The following NBEAL1 variants were observed in gnomAD, a reference collection of about 807,000 sequenced individuals.
NBEAL1 encodes neurobeachin-like protein 1.
NBEAL1 carries 273 observed loss-of-function variants against 351.3 expected under a neutral mutation model. The ratio of observed to expected loss-of-function variants is 0.78; its 90% CI spans 0.70 to 0.86. The LOEUF is 0.86. NBEAL1 is among the 40% of genes least tolerant of loss of function. The pLI is 0.00. For missense variants in NBEAL1, 2,961 were observed against 3,201.3 expected (o/e 0.92, Z 1.81); for synonymous variants, 1,050 against 1,086.4 (o/e 0.97, Z 0.66).
chr2:203,020,472 ACCAGCTTGG>A (rs1184848797), intron 2 of NBEAL1, among the ~76,000 whole-genome samples: 5 of 152,108 alleles, frequency 3.3e-5, no homozygotes, highest in Non-Finnish European at 7.4e-5. Flanking sequence ...GGAGTTTGAA[ACCAGCTTGG>A]CCAGCATGGT....
At chr2:203,130,563 A>T in intron 25 of NBEAL1, 87 bp downstream of exon 25, 1 of 850,594 alleles carries the variant, frequency 1.2e-6, no homozygotes, top group Non-Finnish European at 1.6e-6. Context: ...TGTGACTATA[A>T]ATTATTTTTA....
intron 36 of NBEAL1, among the ~76,000 whole-genome samples, chr2:203,160,465 A>G (rs1327227864): frequency 6.6e-6 from 1 of 151,920 alleles, no homozygotes; most frequent in African/African-American, 2.4e-5. Context: ...ATTCCCTTTA[A>G]TTCTTTAAAC....
rs552993743 is a variant in NBEAL1, at chr2:203,176,559, G to A, written c.6464+1272G>A. ...GGCCTGGCCAAAATGGTGAAACCCC[G>A]TCTCTACTAAAAATACAAAAAAATT... On this transcript the variant is annotated intron_variant, in intron 42 of 55. Transcript: ENST00000683969. Among the ~76,000 whole-genome samples the A allele has an allele frequency of 2.5e-4, 38 of 151,510 alleles. No homozygotes were observed. In the South Asian group the frequency reaches 5.2e-3, roughly 21 times the overall value.
chr2:203,082,282 G>T (rs1487759461), intron 8 of NBEAL1, among the ~76,000 whole-genome samples: 1 of 152,180 alleles, frequency 6.6e-6, no homozygotes, highest in African/African-American at 2.4e-5. Context: ...GTGGCCATGT[G>T]TTCAGGAAAA....
chr2:203,206,828 G>A (rs1362767593), intron 51 of NBEAL1, among the ~76,000 whole-genome samples: 1 of 150,924 alleles, frequency 6.6e-6, no homozygotes, highest in African/African-American at 2.4e-5. Flanking sequence ...TGCAGCCTCT[G>A]CCCGGCCGCC....
intron 44 of NBEAL1, among the ~76,000 whole-genome samples, chr2:203,184,026 T>C (rs1355618941): frequency 7.3e-6 from 1 of 136,802 alleles, no homozygotes; most frequent in Non-Finnish European, 1.5e-5. Flanking sequence ...TGCAGTGAGC[T>C]GAGATCACGC....
At position 203,062,392 on chromosome 2, in the gene NBEAL1, C is replaced by T. The variant is rs1288911298; in HGVS notation, c.515+4939C>T. The T allele has an allele frequency of 4.4e-6, 2 of 451,878 alleles. No homozygotes were observed. Among genetic ancestry groups the T allele is most frequent in the South Asian group, 3.3e-5 (2 of 60,310 alleles). The allele number at this position is 451,878 out of a possible 1,614,324, so 28.0% of individuals were successfully genotyped here. The stretch of plus-strand genomic sequence containing the variant: ...AGGTTACAGCCACATCCTCAAAAGT[C>T]ACTGAGTCCATGTTCCAGCTTCCAG... On this transcript the variant is annotated intron_variant, in intron 6 of 55. Coordinates refer to ENST00000683969, the MANE Select transcript of NBEAL1 (RefSeq NM_001378026.1). This position sits in a 1 kb window ranked among gnomAD's most constrained non-coding sequence, Gnocchi z 4.2.
rs1014019188 is a variant in NBEAL1, at chr2:203,097,506, T to C, written c.1099-41T>C. The C allele has an allele frequency of 1.2e-5, 10 of 850,272 alleles. No individual in the cohort carries two copies. In the African/African-American group the frequency reaches 1.8e-4, roughly 16 times the overall value. 52.7% of individuals were successfully genotyped at this position (850,272 alleles called of 1,614,324 possible). A position where few individuals can be genotyped will look rare whatever the true frequency, so the allele number is the denominator to read the frequency against. On this transcript the variant is annotated intron_variant, in intron 10 of 55. Coordinates refer to ENST00000683969, the MANE Select transcript of NBEAL1 (RefSeq NM_001378026.1). ...TCATTGCTGCTTATAGGTAACAATTTAATGTTCTTTCTCCATTATTCTTGT... is the reference window on the plus strand; with the variant it reads ...TCATTGCTGCTTATAGGTAACAATTCAATGTTCTTTCTCCATTATTCTTGT...
rs1423204449 is a variant in NBEAL1, at chr2:203,151,561, G to T, written c.5559G>T (p.Glu1853Asp). The T allele has an allele frequency of 6.2e-7, 1 of 1,608,796 alleles. No homozygotes were observed. The highest frequency in any genetic ancestry group is 8.5e-7 in the Non-Finnish European group (1 of 1,178,020). The change falls in exon 35 of 56, where the codon GAG becomes GAT. Residue 1853 changes from glutamate (E) to aspartate (D), a missense_variant. By Grantham distance (45) the Glu-to-Asp change is conservative. Coordinates refer to ENST00000683969, the MANE Select transcript of NBEAL1 (RefSeq NM_001378026.1). Reference protein sequence around the residue: ...LVPNYNFKTHEEASALRDNLG... With the variant: ...LVPNYNFKTHDEASALRDNLG... ...CGAATTATAATTTCAAAACCCATGA[G>T]GAAGCTAGTGCCTTGAGAGATAATC...
intron 4 of NBEAL1, among the ~76,000 whole-genome samples, chr2:203,052,719 G>GTTATTTATTTAT (rs56277425): frequency 0.16 from 23,699 of 145,368 alleles, 2,220 homozygotes; most frequent in East Asian, 0.26. Context: ...ACCATGCCCA[G>GTTATTTATTTAT]TTATTTATTT....
chr2:203,208,580 G>A, intron 51 of NBEAL1, 57 bp from the exon 52 acceptor site: 1 of 1,248,020 alleles, frequency 8.0e-7, no homozygotes, highest in African/African-American at 1.5e-5. Context: ...TATAAACCTT[G>A]TGAAAAACAG....
intron 54 of NBEAL1, among the ~76,000 whole-genome samples, chr2:203,211,891 T>C (rs1206887697): frequency 6.6e-6 from 1 of 152,070 alleles, no homozygotes; most frequent in Non-Finnish European, 1.5e-5. Context: ...GTGTTTTTGT[T>C]TTGTTTTCTT....
chr2:203,140,162 G>C (rs2063330244), intron 31 of NBEAL1, among the ~76,000 whole-genome samples: 1 of 151,966 alleles, frequency 6.6e-6, no homozygotes, highest in Non-Finnish European at 1.5e-5. Context: ...AGTTAGCCGG[G>C]CGTGCTGGCG....
At chr2:203,206,667 A>C (rs890216604) in intron 51 of NBEAL1, among the ~76,000 whole-genome samples, 2 of 151,942 alleles carry the variant, frequency 1.3e-5, no homozygotes, top group Non-Finnish European at 2.9e-5. Flanking sequence ...GTGATCCGCC[A>C]GCCTCGGCCT....
intron 49 of NBEAL1, among the ~76,000 whole-genome samples, chr2:203,200,489 G>A (rs536825199): frequency 6.6e-6 from 1 of 151,966 alleles, no homozygotes; most frequent in South Asian, 2.1e-4. Context: ...CTCCAGCCTG[G>A]GCAACAGAGC....
intron 44 of NBEAL1, among the ~76,000 whole-genome samples, chr2:203,186,930 A>G (rs2064914033): frequency 6.6e-6 from 1 of 152,188 alleles, no homozygotes; most frequent in South Asian, 2.1e-4. Context: ...GGTCTGTGGG[A>G]CACAACCTTA....
At chr2:203,042,405 G>C (rs1038878911) in intron 3 of NBEAL1, among the ~76,000 whole-genome samples, 3 of 152,202 alleles carry the variant, frequency 2.0e-5, no homozygotes, top group African/African-American at 7.2e-5. Flanking sequence ...AGTCAGGTGT[G>C]TTGCCCTTCC....
rs542198791 is a variant in NBEAL1, at chr2:203,218,427, A to G, written c.*1073A>G. On this transcript the variant is annotated 3_prime_UTR_variant, in exon 56 of 56. Transcript: ENST00000683969. ...TGTTAAACTTAGATTTTTTTGTAAG[A>G]TTATCTTTTGAGTTAGGTCAGAGAG... 6.6e-6 allele frequency: 1 copy of G among 152,186 alleles called. No homozygotes were observed. Among genetic ancestry groups the G allele is most frequent in the Admixed American group, 6.5e-5 (1 of 15,288 alleles). The allele number at this position is 152,186 out of a possible 1,614,324, so 9.4% of individuals were successfully genotyped here. A position where few individuals can be genotyped will look rare whatever the true frequency, so the allele number is the denominator to read the frequency against.
intron 51 of NBEAL1, 129 bp downstream of exon 51, chr2:203,202,910 CA>C (rs1232891897): frequency 1.6e-6 from 1 of 613,122 alleles, no homozygotes; most frequent in African/African-American, 1.8e-5. Context: ...TTTTTACCCA[CA>C]TTTTGTCCTG....
Sources: allele counts gnomAD v4.1 joint callset (sites outside exome capture counted in the v4.1 genomes callset), GRCh38; gene constraint gnomAD v4.1.1; non-coding constraint Gnocchi (gnomAD v3.1); transcripts MANE v1.5; gene names NCBI Gene and HGNC (gene_info 2026-07-23, HGNC 2026-07-21).